The following ACYP2 variants were observed in gnomAD, a reference collection of about 807,000 sequenced individuals.
ACYP2 encodes the protein acylphosphatase 2.
In ACYP2, 12 loss-of-function variants were observed where a neutral mutation model predicts 11.2. That is an observed-to-expected ratio of 1.08 (90% CI 0.69 to 1.74). ACYP2 has a LOEUF of 1.74. Ranked by LOEUF, ACYP2 falls within the 40% of genes most tolerant of loss-of-function variation. The probability of loss-of-function intolerance (pLI) is 0.00; values close to 1 mark genes in which losing one functional copy is unlikely to be tolerated. For synonymous variants in ACYP2, 43 were observed against 32.2 expected, an observed-to-expected ratio of 1.33 and a Z score of -1.13; for missense variants, 134 against 101.9, an observed-to-expected ratio of 1.31 and a Z score of -1.35.
chr2:54,274,117 G>A lies in ACYP2; in HGVS notation c.405-30571G>A, dbSNP rs144592733. On this transcript the variant is annotated intron_variant, in intron 6 of 6. Transcript: ENST00000607452. Reference sequence around the variant, plus strand: ...GTTTATAATGGACTTACAGTTTCACGTGGCTGGGGAAGCCTCATAATTATG... The same window carrying A: ...GTTTATAATGGACTTACAGTTTCACATGGCTGGGGAAGCCTCATAATTATG... Among the ~76,000 whole-genome samples the A allele has an allele frequency of 5.6e-3, 858 of 152,282 alleles. 12 individuals are homozygous for A. The highest frequency in any genetic ancestry group is 0.02 in the African/African-American group (821 of 41,554).
chr2:54,084,376 C>T (rs892089250), intron 4 of ACYP2, among the ~76,000 whole-genome samples: 1 of 152,160 alleles, frequency 6.6e-6, no homozygotes, highest in Non-Finnish European at 1.5e-5. Context: ...CTCACTGCAA[C>T]CTCTGTCTCC....
At chr2:54,188,778 T>A (rs1284129918) in intron 6 of ACYP2, among the ~76,000 whole-genome samples, 1 of 152,102 alleles carries the variant, frequency 6.6e-6, no homozygotes, top group South Asian at 2.1e-4. Context: ...CAAATCAGTG[T>A]CTTCATTTTA....
intron 4 of ACYP2, chr2:54,065,590 C>T (rs1407391503): frequency 2.5e-6 from 1 of 398,240 alleles, no homozygotes; most frequent in East Asian, 3.6e-5. Flanking sequence ...CTTGATTCAA[C>T]AGATCCCTGG....
At chr2:54,050,389 G>A (rs1675779684) in intron 2 of ACYP2, among the ~76,000 whole-genome samples, 1 of 151,532 alleles carries the variant, frequency 6.6e-6, no homozygotes, top group Admixed American at 6.6e-5. Context: ...ATCTCTAGAA[G>A]TCATTAAAAA....
chr2:54,078,305 T>C (rs924319949), intron 4 of ACYP2, among the ~76,000 whole-genome samples: 1 of 151,772 alleles, frequency 6.6e-6, no homozygotes, highest in South Asian at 2.1e-4. Context: ...GCTAGGAAGA[T>C]GCTAGGACAG....
intron 2 of ACYP2, among the ~76,000 whole-genome samples, chr2:54,005,441 G>A (rs949453288): frequency 2.0e-5 from 3 of 151,610 alleles, no homozygotes; most frequent in Admixed American, 2.0e-4. Context: ...CCAGGTTCAA[G>A]CGATCTTCCT....
chr2:54,055,818 G>A (rs1676111685), intron 3 of ACYP2, among the ~76,000 whole-genome samples: 1 of 152,204 alleles, frequency 6.6e-6, no homozygotes, highest in African/African-American at 2.4e-5. Context: ...TGAAGTTAGA[G>A]AAATATTTGA....
chr2:54,028,939 A>G (rs1041572561), intron 2 of ACYP2, among the ~76,000 whole-genome samples: 3 of 152,154 alleles, frequency 2.0e-5, no homozygotes, highest in Admixed American at 2.0e-4. Context: ...CTGGAGGATC[A>G]TTGAGCTCAG....
chr2:54,170,201 G>A (rs1045526563), intron 6 of ACYP2, among the ~76,000 whole-genome samples: 2 of 152,158 alleles, frequency 1.3e-5, no homozygotes, highest in African/African-American at 4.8e-5. Context: ...TGCCCAGGCT[G>A]GTGTGCAGTG....
chr2:54,138,033 G>T (rs1279914630), intron 5 of ACYP2, among the ~76,000 whole-genome samples: 2 of 152,104 alleles, frequency 1.3e-5, no homozygotes, highest in Non-Finnish European at 2.9e-5. Flanking sequence ...CTAATGATTG[G>T]TGATATTGAG....
chr2:54,018,051 C>A (rs1254427631), intron 2 of ACYP2, among the ~76,000 whole-genome samples: 5 of 152,140 alleles, frequency 3.3e-5, no homozygotes, highest in African/African-American at 1.2e-4. Flanking sequence ...TAGATCTGAG[C>A]TCCCCTCCTT....
intron 6 of ACYP2, among the ~76,000 whole-genome samples, chr2:54,161,702 G>C (rs796711709): frequency 6.6e-6 from 1 of 152,088 alleles, no homozygotes; most frequent in Non-Finnish European, 1.5e-5. Flanking sequence ...GAAAAAGTCA[G>C]TTCTCTTTTA....
At chr2:54,036,806 C>T (rs907332410) in intron 2 of ACYP2, among the ~76,000 whole-genome samples, 8 of 152,192 alleles carry the variant, frequency 5.3e-5, no homozygotes, top group Non-Finnish European at 7.3e-5. Context: ...TCAGGGCCTA[C>T]ACCCAGGACA....
chr2:54,155,100 CT>C (rs1682370834), intron 6 of ACYP2, among the ~76,000 whole-genome samples: 1 of 152,144 alleles, frequency 6.6e-6, no homozygotes, highest in Non-Finnish European at 1.5e-5. Flanking sequence ...TCGTACTAAT[CT>C]TTATGATTCT....
chr2:54,150,101 C>T (rs751744933), intron 6 of ACYP2, among the ~76,000 whole-genome samples: 3 of 152,184 alleles, frequency 2.0e-5, no homozygotes, highest in Admixed American at 2.0e-4. Context: ...TAGTCTAGAT[C>T]AGGGATTGGC....
At chr2:54,139,123 G>C (rs1217229432) in intron 6 of ACYP2, among the ~76,000 whole-genome samples, 2 of 152,146 alleles carry the variant, frequency 1.3e-5, no homozygotes, top group African/African-American at 4.8e-5. Flanking sequence ...CACTTGGGCT[G>C]GCCTCGAGAA....
intron 6 of ACYP2, among the ~76,000 whole-genome samples, chr2:54,159,274 G>T (rs557764918): frequency 6.6e-6 from 1 of 151,884 alleles, no homozygotes; most frequent in African/African-American, 2.4e-5. Context: ...GTCACGTGAA[G>T]GTGGCATACC....
chr2:54,204,416 A>T (rs920949659), intron 6 of ACYP2, among the ~76,000 whole-genome samples: 3 of 151,814 alleles, frequency 2.0e-5, no homozygotes, highest in Admixed American at 6.6e-5. Flanking sequence ...AAGCCAAAAG[A>T]TTGGACACCC....
chr2:53,994,555 T>TCATGCTG (rs1291494838), intron 2 of ACYP2, among the ~76,000 whole-genome samples: 143 of 143,442 alleles, frequency 1.0e-3, no homozygotes, highest in African/African-American at 3.4e-3. Context: ...AGGAAAGAGG[T>TCATGCTG]CATGCTGGGG....
Sources: allele counts gnomAD v4.1 joint callset (sites outside exome capture counted in the v4.1 genomes callset), GRCh38; gene constraint gnomAD v4.1.1; transcripts MANE v1.5; gene names NCBI Gene and HGNC (gene_info 2026-07-23, HGNC 2026-07-21).